EPB41L4B: variants seen among roughly 807,000 people sequenced by gnomAD.
EPB41L4B encodes the protein erythrocyte membrane protein band 4.1 like 4B.
A neutral mutation model predicts 112.5 loss-of-function variants in EPB41L4B; 30 were observed. That is an observed-to-expected ratio of 0.27 (90% CI 0.20 to 0.36). The LOEUF is 0.36. EPB41L4B is among the 10% of genes least tolerant of loss of function. The probability of loss-of-function intolerance (pLI) is 1.00; values close to 1 mark genes in which losing one functional copy is unlikely to be tolerated. For missense variants in EPB41L4B, 1,024 were observed against 1,133.3 expected, an observed-to-expected ratio of 0.90 and a Z score of 1.38; for synonymous variants, 408 against 439.7, an observed-to-expected ratio of 0.93 and a Z score of 0.90.
intron 15 of EPB41L4B, among the ~76,000 whole-genome samples, 153 bp downstream of exon 15, chr9:109,243,465 T>C (rs1045311555): frequency 2.0e-5 from 3 of 152,184 alleles, no homozygotes; most frequent in Non-Finnish European, 2.9e-5. Context: ...CTGGCTACCT[T>C]TGCTTTGAAA....
chr9:109,243,709 A>G (rs1029894357), intron 14 of EPB41L4B, 27 bp from the exon 15 acceptor site: 44 of 1,609,100 alleles, frequency 2.7e-5, no homozygotes, highest in Non-Finnish European at 3.5e-5. Flanking sequence ...AAACTTGATT[A>G]TTTGATGACC....
intron 1 of EPB41L4B, among the ~76,000 whole-genome samples, chr9:109,301,821 T>G (rs1386916902): frequency 6.6e-6 from 1 of 152,242 alleles, no homozygotes; most frequent in African/African-American, 2.4e-5. Context: ...GAGGATCTCT[T>G]GAGCCCTGGA....
At chr9:109,267,440 C>A (rs1835448364) in intron 4 of EPB41L4B, 33 bp downstream of exon 4, 2 of 1,475,192 alleles carry the variant, frequency 1.4e-6, no homozygotes, top group Non-Finnish European at 1.9e-6. Flanking sequence ...GCAAGCCCTG[C>A]TGGGCGGGAG....
intron 1 of EPB41L4B, among the ~76,000 whole-genome samples, chr9:109,319,506 C>G (rs910014380): frequency 6.6e-6 from 1 of 152,198 alleles, no homozygotes; most frequent in Non-Finnish European, 1.5e-5. Context: ...CCCAAGTCAC[C>G]CTACCCGCTG....
chr9:109,211,953 C>G (rs888200971), intron 17 of EPB41L4B, among the ~76,000 whole-genome samples: 1 of 151,744 alleles, frequency 6.6e-6, no homozygotes, highest in Non-Finnish European at 1.5e-5. Flanking sequence ...CTCCTGACCT[C>G]AAGAGATCCA....
rs192212605 is a variant in EPB41L4B at position 109,288,486 on chromosome 9, C to T, written c.307-8565G>A. Among the ~76,000 whole-genome samples, 11 of 151,892 alleles carry T rather than the reference C, an allele frequency of 7.2e-5. No individual in the cohort carries two copies. The East Asian group carries it at 1.9e-3, about 27-fold the overall frequency. On this transcript the variant is annotated intron_variant, in intron 1 of 25. Transcript: ENST00000374566. The stretch of plus-strand genomic sequence containing the variant: ...CTGTAATCCCAGCACTTTGGGAGGC[C>T]GAGGCGGGCGGATCACAAGGTCAGG...
Position 109,194,349 on chromosome 9 carries a change from G to T in EPB41L4B, c.2094C>A (p.Thr698=). ...TTGTGGTGTTTGTGGTTGTAGATGT[G>T]GTCACTCCCACTGCCTCGGCCAGGT... is the stretch of plus-strand genomic sequence containing the variant. ...PPDLAEAVGV[T]TSTTTNTTTA... Residue 698 remains threonine, a synonymous_variant, in exon 21 of 26, where the codon ACC becomes ACA. Transcript: ENST00000374566. The T allele has an allele frequency of 6.2e-7, 1 of 1,614,152 alleles. No individual in the cohort carries two copies. Among genetic ancestry groups the T allele is most frequent in the Non-Finnish European group, 8.5e-7 (1 of 1,180,032 alleles).
chr9:109,276,081 TAC>T (rs1478761994), intron 2 of EPB41L4B, among the ~76,000 whole-genome samples: 2 of 148,062 alleles, frequency 1.4e-5, no homozygotes, highest in Middle Eastern at 3.3e-3. Context: ...TGTGTATATA[TAC>T]ATATATATTA....
At chr9:109,205,265 C>G (rs1832957675) in intron 18 of EPB41L4B, among the ~76,000 whole-genome samples, 1 of 152,118 alleles carries the variant, frequency 6.6e-6, no homozygotes, top group African/African-American at 2.4e-5. Context: ...CTGCTTTTTT[C>G]CTGCTTTCAT....
chr9:109,298,207 G>A (rs1195527282), intron 1 of EPB41L4B, among the ~76,000 whole-genome samples: 1 of 152,094 alleles, frequency 6.6e-6, no homozygotes, highest in East Asian at 1.9e-4. Flanking sequence ...GTGGTTTGTG[G>A]TTAGGGTGAG....
chr9:109,235,783 G>T (rs556702931), intron 15 of EPB41L4B, among the ~76,000 whole-genome samples: 1 of 152,268 alleles, frequency 6.6e-6, no homozygotes, highest in Non-Finnish European at 1.5e-5. Flanking sequence ...TTACCATCTA[G>T]CATCAAACAC....
chr9:109,268,341 T>A (rs1835481670), intron 3 of EPB41L4B, 50 bp downstream of exon 3: 1 of 1,540,898 alleles, frequency 6.5e-7, no homozygotes, highest in Admixed American at 1.8e-5. Context: ...GGCAAAGGAG[T>A]TTACTCTCAG....
At chr9:109,245,776 T>G (rs1834531528) in intron 14 of EPB41L4B, among the ~76,000 whole-genome samples, 1 of 152,240 alleles carries the variant, frequency 6.6e-6, no homozygotes. Flanking sequence ...CCGGTCAATT[T>G]ATTCCCAACC....
At chr9:109,238,894 G>A (rs1299603230) in intron 15 of EPB41L4B, among the ~76,000 whole-genome samples, 3 of 152,218 alleles carry the variant, frequency 2.0e-5, no homozygotes, top group Admixed American at 6.5e-5. Flanking sequence ...CAAGCAATTT[G>A]GCATTGAAGG....
At chr9:109,178,937 A>G (rs1831950146) in intron 24 of EPB41L4B, among the ~76,000 whole-genome samples, 1 of 150,596 alleles carries the variant, frequency 6.6e-6, no homozygotes, top group Admixed American at 6.7e-5. Context: ...TCACTAAAGA[A>G]TGACCTTGAA....
intron 2 of EPB41L4B, among the ~76,000 whole-genome samples, chr9:109,271,073 G>A (rs1319145123): frequency 6.6e-6 from 1 of 152,196 alleles, no homozygotes; most frequent in Non-Finnish European, 1.5e-5. Context: ...AAAATCTCAA[G>A]CAATTTCAGG....
chr9:109,226,561 G>C (rs1564278763), intron 15 of EPB41L4B, among the ~76,000 whole-genome samples: 1 of 147,060 alleles, frequency 6.8e-6, no homozygotes, highest in African/African-American at 2.5e-5. Context: ...TCAGTTTTCG[G>C]ATTGCCCATG....
chr9:109,207,749 C>A (rs147422019), intron 18 of EPB41L4B, among the ~76,000 whole-genome samples, 175 bp downstream of exon 18: 3 of 152,122 alleles, frequency 2.0e-5, no homozygotes, highest in Admixed American at 2.0e-4. Context: ...TGTACCTAAT[C>A]CTTTTAAATT....
At chr9:109,189,164 C>A (rs978918311) in intron 22 of EPB41L4B, among the ~76,000 whole-genome samples, 1 of 152,202 alleles carries the variant, frequency 6.6e-6, no homozygotes, top group Non-Finnish European at 1.5e-5. Context: ...TCTTGCAACC[C>A]AGGCAGAAAT....
Sources: gnomAD v4.1 joint callset for allele counts (sites outside exome capture counted in the v4.1 genomes callset) on GRCh38, gnomAD v4.1.1 for gene constraint, MANE v1.5 for transcripts, NCBI Gene and HGNC (gene_info 2026-07-23, HGNC 2026-07-21) for gene names.